The following GRIN2A variants were observed in gnomAD, a reference collection of about 807,000 sequenced individuals.
GRIN2A encodes the protein glutamate ionotropic receptor NMDA type subunit 2A.
GRIN2A carries 22 observed loss-of-function variants against 113.4 expected under a neutral mutation model. That is an observed-to-expected ratio of 0.19 (90% confidence interval 0.14 to 0.28). The LOEUF (loss-of-function observed/expected upper bound fraction) is 0.28, where lower values mean the gene tolerates loss of function less well. Among genes scored for constraint, GRIN2A ranks in the 10% least tolerant of loss-of-function variants. The pLI, the probability that GRIN2A is intolerant of heterozygous loss-of-function variation, is 1.00. For missense variants in GRIN2A, 1,502 were observed against 1,887.0 expected, an observed-to-expected ratio of 0.80 and a Z score of 3.78; for synonymous variants, 827 against 738.4, an observed-to-expected ratio of 1.12 and a Z score of -1.94.
intron 3 of GRIN2A, among the ~76,000 whole-genome samples, chr16:9,911,645 C>T (rs1733162756): frequency 6.6e-6 from 1 of 152,158 alleles, no homozygotes; most frequent in Non-Finnish European, 1.5e-5. Context: ...TGCCCTCCAA[C>T]TTAGGAACAA....
chr16:10,033,555 C>T (rs962940662), intron 2 of GRIN2A: 3 of 152,232 alleles, frequency 2.0e-5, no homozygotes, highest in East Asian at 3.9e-4. Context: ...GGGCAAGTCT[C>T]GTAATCCCTC....
intron 3 of GRIN2A, among the ~76,000 whole-genome samples, chr16:9,920,728 G>C (rs527842325): frequency 5.3e-5 from 8 of 151,960 alleles, no homozygotes; most frequent in South Asian, 2.1e-4. Flanking sequence ...CACCACTCCC[G>C]GCTAATTTTT....
intron 2 of GRIN2A, among the ~76,000 whole-genome samples, chr16:10,124,507 C>G (rs1460172695): frequency 6.6e-6 from 1 of 152,070 alleles, no homozygotes; most frequent in Non-Finnish European, 1.5e-5. Context: ...CGGAAAAGGG[C>G]AGGATTCCTT....
Position 10,051,852 on chromosome 16 carries a change from C to T in GRIN2A, c.415-113301G>A, listed in dbSNP as rs145742186. Among the ~76,000 whole-genome samples the T allele has an allele frequency of 2.7e-3, 410 of 152,266 alleles. 3 individuals carry two copies. Among genetic ancestry groups the T allele is most frequent in the African/African-American group, 9.2e-3 (384 of 41,552 alleles). On this transcript the variant is annotated intron_variant, in intron 2 of 12. Transcript: ENST00000330684. ...CTCCTGTCAGCCACAGGAGCCAGCT[C>T]AGACATTTAAGCAGAAGGGTAATGG...
intron 2 of GRIN2A, among the ~76,000 whole-genome samples, chr16:9,996,435 C>T (rs879618132): frequency 2.0e-5 from 3 of 152,158 alleles, no homozygotes; most frequent in Non-Finnish European, 4.4e-5. Flanking sequence ...CAGCTAAATG[C>T]AAACTGAACT....
chr16:10,111,732 C>T lies in GRIN2A; in HGVS notation c.414+68266G>A, dbSNP rs780755888. ...AGTTTGAACAGGGCTTCATCACGGACCCCGTGGTGCTGAGCCCCTCACACA... is the reference window on the plus strand; with the variant it reads ...AGTTTGAACAGGGCTTCATCACGGATCCCGTGGTGCTGAGCCCCTCACACA... On this transcript the variant is annotated intron_variant, in intron 2 of 12. Coordinates refer to ENST00000330684, the MANE Select transcript of GRIN2A (RefSeq NM_001134407.3). 3.9e-5 allele frequency: 60 copies of T among 1,528,108 alleles called. No homozygotes were observed. In the Admixed American group the frequency reaches 5.7e-4, roughly 15 times the overall value. 94.7% of individuals were successfully genotyped at this position (1,528,108 alleles called of 1,614,324 possible).
At chr16:9,928,773 G>A (rs1050372806) in intron 3 of GRIN2A, among the ~76,000 whole-genome samples, 2 of 151,990 alleles carry the variant, frequency 1.3e-5, no homozygotes, top group Admixed American at 6.6e-5. Flanking sequence ...CTCATCCGTC[G>A]AGACCCAAAG....
At chr16:9,884,787 T>C (rs1287969958) in intron 4 of GRIN2A, among the ~76,000 whole-genome samples, 1 of 148,910 alleles carries the variant, frequency 6.7e-6, no homozygotes, top group Non-Finnish European at 1.5e-5. Context: ...TCTCACTCTG[T>C]GGCCCAGGCT....
intron 4 of GRIN2A, among the ~76,000 whole-genome samples, chr16:9,867,269 G>T (rs1203566117): frequency 6.6e-6 from 1 of 152,040 alleles, no homozygotes; most frequent in African/African-American, 2.4e-5. Context: ...TCCCTCTCTG[G>T]CTAAAAATCT....
At chr16:9,893,828 G>A (rs1280693928) in intron 3 of GRIN2A, among the ~76,000 whole-genome samples, 1 of 152,154 alleles carries the variant, frequency 6.6e-6, no homozygotes, top group African/African-American at 2.4e-5. Context: ...GACGGTCAAA[G>A]AAAGCATATT....
Position 9,763,929 on chromosome 16 carries a change from C to G in GRIN2A, c.3615G>C (p.Glu1205Asp), listed in dbSNP as rs2141130483. The part of the protein sequence containing the change: ...DKGSPHSETS[E>D]RYRQNSTHCR... ...AGTGCGTGGAGTTCTGCCGGTATCG[C>G]TCGCTGGTCTCACTGTGCGGGGAAC... The change falls in exon 13 of 13, where the codon GAG (glutamate) becomes GAC (aspartate). Residue 1205 changes from glutamate (E) to aspartate (D), a missense_variant. Physicochemically the swap from Glu to Asp is conservative, Grantham distance 45 (BLOSUM62 2). Coordinates refer to ENST00000330684, the MANE Select transcript of GRIN2A (RefSeq NM_001134407.3). The G allele has an allele frequency of 1.9e-6, 3 of 1,614,134 alleles. No homozygotes were observed. Among genetic ancestry groups the G allele is most frequent in the Non-Finnish European group, 2.5e-6 (3 of 1,180,020 alleles).
intron 11 of GRIN2A, among the ~76,000 whole-genome samples, chr16:9,780,988 A>C (rs1385552860): frequency 9.4e-6 from 1 of 106,868 alleles, no homozygotes; most frequent in East Asian, 2.2e-4. Context: ...GCCAGAGGTC[A>C]CTAATCTTTT....
intron 1 of GRIN2A, among the ~76,000 whole-genome samples, chr16:10,181,131 C>T (rs992966476): frequency 3.1e-4 from 12 of 38,656 alleles, no homozygotes; most frequent in Non-Finnish European, 5.4e-4. Flanking sequence ...ACTTGGGGCT[C>T]GCCCCACCTC....
intron 2 of GRIN2A, among the ~76,000 whole-genome samples, chr16:10,024,668 T>C (rs899867521): frequency 6.6e-6 from 1 of 152,216 alleles, no homozygotes; most frequent in Non-Finnish European, 1.5e-5. Context: ...TGCAGACCCA[T>C]TCAAGCCATG....
At chr16:10,015,345 G>T (rs1031002860) in intron 2 of GRIN2A, among the ~76,000 whole-genome samples, 1 of 150,620 alleles carries the variant, frequency 6.6e-6, no homozygotes, top group Non-Finnish European at 1.5e-5. Flanking sequence ...AGGGTAGGAG[G>T]AAAGAATAGA....
intron 6 of GRIN2A, 32 bp downstream of exon 6, chr16:9,840,904 G>T (rs1417131973): frequency 6.2e-7 from 1 of 1,609,668 alleles, no homozygotes. Flanking sequence ...CTTTGTCTGA[G>T]TAAGAGCCTA....
At chr16:10,158,872 G>A (rs1030726372) in intron 2 of GRIN2A, among the ~76,000 whole-genome samples, 6 of 152,140 alleles carry the variant, frequency 3.9e-5, no homozygotes, top group Admixed American at 3.9e-4. Context: ...CGTACTAAAC[G>A]CCACTGAATT....
Position 10,024,598 on chromosome 16 carries a change from T to C in GRIN2A, c.415-86047A>G, listed in dbSNP as rs190499614. 8.3e-4 allele frequency among the ~76,000 whole-genome samples: 126 copies of C among 152,354 alleles called. 1 individual carries two copies. The highest frequency in any genetic ancestry group is 2.2e-3 in the Admixed American group (34 of 15,304). ...ATTACCACGTCTTCTCTGTCTCCCA[T>C]TGCCGCTTAGAGATCACAAGATATG... On this transcript the variant is annotated intron_variant, in intron 2 of 12. Transcript: ENST00000330684.
At chr16:10,041,042 C>T (rs141354843) in intron 2 of GRIN2A, among the ~76,000 whole-genome samples, 3 of 152,388 alleles carry the variant, frequency 2.0e-5, no homozygotes, top group Middle Eastern at 3.4e-3. Context: ...CCCTCACCTC[C>T]AATACACAGG....
Sources: allele counts gnomAD v4.1 joint callset (sites outside exome capture counted in the v4.1 genomes callset), GRCh38; gene constraint gnomAD v4.1.1; transcripts MANE v1.5; gene names NCBI Gene and HGNC (gene_info 2026-07-23, HGNC 2026-07-21).